Variants in ROBO2 observed in about 807,000 individuals in gnomAD.
ROBO2 encodes the protein roundabout homolog 2.
ROBO2 carries 53 observed loss-of-function variants against 160.8 expected under a neutral mutation model. The ratio of observed to expected loss-of-function variants is 0.33; its 90% confidence interval spans 0.26 to 0.41. The LOEUF is 0.41. ROBO2 is among the 10% of genes least tolerant of loss of function. ROBO2 has a pLI of 1.00. For synonymous variants in ROBO2, 664 were observed against 611.7 expected (o/e 1.09, Z -1.26); for missense variants, 1,577 against 1,722.4 (o/e 0.92, Z 1.49).
chr3:76,635,506 G>A (rs13061512), intron 2 of ROBO2, among the ~76,000 whole-genome samples: 26,745 of 152,100 alleles, frequency 0.18, 2,539 homozygotes, highest in Non-Finnish European at 0.22. Flanking sequence ...GTAAATGGCT[G>A]AGTGCAATGT....
At chr3:76,175,483 G>A (rs574436020) in intron 2 of ROBO2, among the ~76,000 whole-genome samples, 2 of 151,998 alleles carry the variant, frequency 1.3e-5, no homozygotes, top group Admixed American at 6.6e-5. Flanking sequence ...AATTTATAAC[G>A]CATTTTCTCT....
Position 76,622,191 on chromosome 3 carries a change from A to AAAGGAAGG in ROBO2, c.110-475783_110-475776dup, listed in dbSNP as rs1163132103. On this transcript the variant is annotated intron_variant, in intron 2 of 26. Transcript: ENST00000487694. ...AGACCTCATATCTACTAAAAAAAAGAAAGGAAGGAAGGAAGGAAGGAAGGA... is the reference window on the plus strand; with the variant it reads ...AGACCTCATATCTACTAAAAAAAAGAAAGGAAGGAAGGAAGGAAGGAAGGAAGGAAGGA... 3.6e-3 allele frequency among the ~76,000 whole-genome samples: 237 copies of AAAGGAAGG among 65,912 alleles called. 4 individuals are homozygous for AAAGGAAGG. The highest frequency in any genetic ancestry group is 0.014 in the Middle Eastern group (2 of 140). 43.2% of individuals were successfully genotyped at this position (65,912 alleles called of 152,430 possible).
At position 77,143,488 on chromosome 3, in the gene ROBO2, G is replaced by A. The variant is rs562305126; in HGVS notation, c.388+45148G>A. Among the ~76,000 whole-genome samples the A allele has an allele frequency of 8.5e-5, 13 of 152,094 alleles. No individual in the cohort carries two copies. In the South Asian group the frequency reaches 1.5e-3, roughly 17 times the overall value. ...TGGGATTACAGGTGTCAGCCACTGC[G>A]TCCGGCCCCACAGCTTTTTTGAAAT... On this transcript the variant is annotated intron_variant, in intron 2 of 25. Transcript: ENST00000461745.
At chr3:76,680,395 AAT>A (rs761915483) in intron 2 of ROBO2, among the ~76,000 whole-genome samples, 1 of 150,528 alleles carries the variant, frequency 6.6e-6, no homozygotes, top group African/African-American at 2.4e-5. Context: ...AACCAGATTT[AAT>A]ATGTTACCTC....
At chr3:76,582,586 C>T (rs2085769672) in intron 2 of ROBO2, among the ~76,000 whole-genome samples, 1 of 151,872 alleles carries the variant, frequency 6.6e-6, no homozygotes, top group Admixed American at 6.6e-5. Context: ...AACAAACATA[C>T]CAGAACAGTT....
intron 6 of ROBO2, among the ~76,000 whole-genome samples, chr3:77,540,269 G>T (rs58019813): frequency 0.042 from 6,411 of 152,108 alleles, 475 homozygotes; most frequent in African/African-American, 0.15. Context: ...TTATTATTTT[G>T]CAAATCTTTG....
intron 1 of ROBO2, among the ~76,000 whole-genome samples, chr3:75,913,906 A>T (rs893487430): frequency 6.6e-6 from 1 of 152,174 alleles, no homozygotes; most frequent in African/African-American, 2.4e-5. Context: ...CTCATGAGTT[A>T]TATCTATGAT....
intron 2 of ROBO2, among the ~76,000 whole-genome samples, chr3:76,991,773 G>T (rs943426254): frequency 2.6e-5 from 4 of 152,162 alleles, no homozygotes; most frequent in Admixed American, 1.3e-4. Flanking sequence ...TACATTGTTA[G>T]TGGGAGTAGA....
intron 5 of ROBO2, among the ~76,000 whole-genome samples, chr3:77,506,350 AAAG>A (rs2088523949): frequency 1.3e-5 from 2 of 152,148 alleles, no homozygotes; most frequent in Non-Finnish European, 2.9e-5. Context: ...TTTCTAAGAG[AAAG>A]TAGTGCTCAG....
At chr3:75,960,352 T>C (rs1948867072) in intron 2 of ROBO2, among the ~76,000 whole-genome samples, 1 of 151,762 alleles carries the variant, frequency 6.6e-6, no homozygotes, top group South Asian at 2.1e-4. Flanking sequence ...TGACAGGATA[T>C]AAATGATTGT....
At chr3:75,963,320 A>G (rs1010806090) in intron 2 of ROBO2, among the ~76,000 whole-genome samples, 14 of 151,736 alleles carry the variant, frequency 9.2e-5, no homozygotes, top group African/African-American at 3.4e-4. Flanking sequence ...CCAAGTAGCT[A>G]GAACTACAGG....
chr3:76,930,598 A>C (rs2077276026), intron 2 of ROBO2, among the ~76,000 whole-genome samples: 1 of 152,206 alleles, frequency 6.6e-6, no homozygotes, highest in Non-Finnish European at 1.5e-5. Context: ...TTATTATGGA[A>C]GGTTGGTTTA....
chr3:76,320,726 T>C (rs1038626652), intron 2 of ROBO2, among the ~76,000 whole-genome samples: 9 of 152,198 alleles, frequency 5.9e-5, no homozygotes, highest in Admixed American at 3.9e-4. Flanking sequence ...TAATGTCCCA[T>C]TCCTGTTGAG....
intron 2 of ROBO2, among the ~76,000 whole-genome samples, chr3:77,264,626 T>C (rs886844489): frequency 2.0e-5 from 3 of 152,118 alleles, no homozygotes; most frequent in African/African-American, 7.2e-5. Context: ...GAGGAGTCAA[T>C]AGTATTTTTG....
chr3:76,232,620 T>G (rs1018367481), intron 2 of ROBO2, among the ~76,000 whole-genome samples: 2 of 152,232 alleles, frequency 1.3e-5, no homozygotes, highest in Admixed American at 6.5e-5. Flanking sequence ...GTCTCTTATT[T>G]AACGATCACA....
At chr3:76,836,640 A>AT (rs981995795) in intron 2 of ROBO2, among the ~76,000 whole-genome samples, 7 of 151,578 alleles carry the variant, frequency 4.6e-5, no homozygotes, top group Non-Finnish European at 8.9e-5. Flanking sequence ...TGACCCATGG[A>AT]TTTTTTAGAA....
intron 2 of ROBO2, among the ~76,000 whole-genome samples, chr3:76,746,916 T>A (rs1478881613): frequency 6.6e-6 from 1 of 152,112 alleles, no homozygotes; most frequent in Non-Finnish European, 1.5e-5. Context: ...GGTTTTCTGA[T>A]CCTGTGTTAG....
chr3:76,818,660 C>A (rs2065883803), intron 2 of ROBO2, among the ~76,000 whole-genome samples: 1 of 151,868 alleles, frequency 6.6e-6, no homozygotes, highest in South Asian at 2.1e-4. Flanking sequence ...AATCTAGTTT[C>A]ATTCTTCTCC....
chr3:77,610,741 C>CAAAAAAAA (rs71629658), intron 21 of ROBO2, among the ~76,000 whole-genome samples: 638 of 19,666 alleles, frequency 0.032, 7 homozygotes, highest in Non-Finnish European at 0.04. Context: ...GGCCAAAGAC[C>CAAAAAAAA]AAAAAAAAAA....
Sources: gnomAD v4.1 joint callset for allele counts (sites outside exome capture counted in the v4.1 genomes callset) on GRCh38, gnomAD v4.1.1 for gene constraint, MANE v1.5 for transcripts, NCBI Gene and HGNC (gene_info 2026-07-23, HGNC 2026-07-21) for gene names.